DISC1: variants seen among roughly 807,000 people sequenced by gnomAD.
DISC1 encodes disrupted in schizophrenia 1 protein.
DISC1 carries 57 observed loss-of-function variants against 84.5 expected under a neutral mutation model. That is an observed-to-expected ratio of 0.67 (90% CI 0.55 to 0.84). DISC1 has a LOEUF of 0.84. DISC1 is among the 40% of genes least tolerant of loss of function. The pLI, the probability that DISC1 is intolerant of heterozygous loss-of-function variation, is 0.00. For synonymous variants in DISC1, 411 were observed against 415.2 expected, an observed-to-expected ratio of 0.99 and a Z score of 0.12; for missense variants, 1,000 against 1,057.8, an observed-to-expected ratio of 0.95 and a Z score of 0.76.
chr1:231,690,577 T>C (rs1391431999), intron 1 of DISC1, among the ~76,000 whole-genome samples: 1 of 152,214 alleles, frequency 6.6e-6, no homozygotes, highest in East Asian at 1.9e-4. Context: ...CTAATCCTTA[T>C]TGAACTGCAA....
rs74144189 is a variant in DISC1 at position 231,906,796 on chromosome 1, G to A, written c.1982-52032G>A. ...TGAAGGTAAAACAGGAGCTGCGTAC[G>A]TATTAGGGGAGAAAAAAGGAAGCAC... On this transcript the variant is annotated intron_variant, in intron 9 of 12. Transcript: ENST00000439617. Among the ~76,000 whole-genome samples, 504 of 151,764 alleles carry A rather than the reference G, an allele frequency of 3.3e-3. 2 individuals are homozygous for A. The highest frequency in any genetic ancestry group is 0.011 in the African/African-American group (459 of 41,386).
chr1:231,916,535 G>C (rs1299261643), intron 9 of DISC1, among the ~76,000 whole-genome samples: 1 of 149,488 alleles, frequency 6.7e-6, no homozygotes, highest in African/African-American at 2.5e-5. Context: ...GGCGCCTGTA[G>C]TCCCAGCTAC....
chr1:232,005,987 A>G (rs542988779), intron 10 of DISC1, among the ~76,000 whole-genome samples: 2 of 152,280 alleles, frequency 1.3e-5, no homozygotes, highest in South Asian at 4.2e-4. Flanking sequence ...TACATTCCTC[A>G]TAGTTTCAGT....
intron 3 of DISC1, among the ~76,000 whole-genome samples, chr1:231,741,513 ACTATAC>A (rs2073270687): frequency 1.3e-5 from 2 of 152,234 alleles, no homozygotes; most frequent in Non-Finnish European, 2.9e-5. Context: ...GGTGCAGGTC[ACTATAC>A]AATGACCAAC....
rs181834854 is a variant in DISC1, at chr1:231,907,175, C to A, written c.1982-51653C>A. On this transcript the variant is annotated intron_variant, in intron 9 of 12. Transcript: ENST00000439617. Reference sequence around the variant, plus strand: ...TTTCTTTCTTTCTTTCTTTCTCTTTCTTTTATTATACTTTAAGTTCTAGGG... The same window carrying A: ...TTTCTTTCTTTCTTTCTTTCTCTTTATTTTATTATACTTTAAGTTCTAGGG... Among the ~76,000 whole-genome samples the A allele has an allele frequency of 9.9e-3, 1,114 of 112,068 alleles. 28 individuals are homozygous for A. The highest frequency in any genetic ancestry group is 0.039 in the African/African-American group (1,054 of 26,922). The allele number at this position is 112,068 out of a possible 152,430, so 73.5% of individuals were successfully genotyped here. A position where few individuals can be genotyped will look rare whatever the true frequency, so the allele number is the denominator to read the frequency against.
intron 3 of DISC1, among the ~76,000 whole-genome samples, chr1:231,716,316 C>CAAAAAAAAA (rs397861600): frequency 2.4e-5 from 2 of 82,760 alleles, no homozygotes; most frequent in African/African-American, 4.6e-5. Context: ...TTTCAATCTG[C>CAAAAAAAAA]AAAAAAAAAA....
intron 12 of DISC1, among the ~76,000 whole-genome samples, chr1:232,035,049 C>T (rs1353282869): frequency 6.6e-6 from 1 of 152,186 alleles, no homozygotes; most frequent in African/African-American, 2.4e-5. Context: ...TCTGGGGAAG[C>T]TTCAAGAGGG....
At chr1:231,702,353 G>T (rs758865491) in intron 3 of DISC1, 38 of 1,043,504 alleles carry the variant, frequency 3.6e-5, no homozygotes, top group Non-Finnish European at 4.4e-5. Context: ...AAAAATATTC[G>T]TCTGACACCT....
At chr1:231,936,047 A>G (rs1041248490) in intron 9 of DISC1, among the ~76,000 whole-genome samples, 3 of 152,112 alleles carry the variant, frequency 2.0e-5, no homozygotes, top group Non-Finnish European at 4.4e-5. Context: ...GAAAGAGAGG[A>G]AAGTGTGTCC....
chr1:232,013,705 A>C (rs2103011205), intron 11 of DISC1, among the ~76,000 whole-genome samples: 1 of 152,334 alleles, frequency 6.6e-6, no homozygotes, highest in South Asian at 2.1e-4. Flanking sequence ...TGAGCGGACC[A>C]GCAAGCCCTG....
intron 1 of DISC1, chr1:231,685,019 TGCCTGGGAAAACAATCC>T (rs2064094336): frequency 6.6e-6 from 1 of 152,222 alleles, no homozygotes; most frequent in Admixed American, 6.5e-5. Context: ...TGAATAATCA[TGCCTGGGAAAACAATCC>T]GCCTGGCAAA....
intron 1 of DISC1, among the ~76,000 whole-genome samples, chr1:231,644,442 C>T (rs906460185): frequency 9.2e-5 from 14 of 152,296 alleles, no homozygotes; most frequent in African/African-American, 3.1e-4. Flanking sequence ...TAATAGGAGG[C>T]ACTGGTGGGA....
chr1:231,949,970 C>T (rs753483776), intron 9 of DISC1, among the ~76,000 whole-genome samples: 2 of 152,154 alleles, frequency 1.3e-5, no homozygotes, highest in African/African-American at 2.4e-5. Context: ...CCCCAGTCTC[C>T]TTATCCTCAA....
intron 9 of DISC1, among the ~76,000 whole-genome samples, chr1:231,863,450 T>C (rs1463903761): frequency 1.3e-5 from 2 of 152,114 alleles, no homozygotes; most frequent in East Asian, 3.9e-4. Flanking sequence ...AGGCTGGTCT[T>C]GAACTCCTGG....
intron 3 of DISC1, among the ~76,000 whole-genome samples, chr1:231,747,712 T>A (rs1462008908): frequency 2.0e-5 from 3 of 152,222 alleles, no homozygotes; most frequent in Non-Finnish European, 4.4e-5. Flanking sequence ...TCCAGTGTTG[T>A]TCTTTTCGCT....
At chr1:231,868,290 C>T (rs953981902) in intron 9 of DISC1, among the ~76,000 whole-genome samples, 3 of 151,940 alleles carry the variant, frequency 2.0e-5, no homozygotes, top group Admixed American at 1.3e-4. Flanking sequence ...CTCCCCTTTT[C>T]CACTCTGTCC....
chr1:231,712,836 G>A lies in DISC1; in HGVS notation c.1117+10812G>A, dbSNP rs2068055743. ...CAAACTGCAAAAACCTGGGGCAAAA[G>A]ATTACTGGTTGAGGTGTACAATAGA... On this transcript the variant is annotated intron_variant, in intron 3 of 12. Transcript: ENST00000439617. Among the ~76,000 whole-genome samples the A allele has an allele frequency of 2.0e-5, 3 of 152,232 alleles. No individual in the cohort carries two copies. The South Asian group carries it at 6.2e-4, about 32-fold the overall frequency.
intron 9 of DISC1, among the ~76,000 whole-genome samples, chr1:231,886,811 CTTTCTT>C (rs1427282901): frequency 7.2e-6 from 1 of 139,654 alleles, no homozygotes; most frequent in African/African-American, 2.7e-5. Context: ...TTCTTTCTTT[CTTTCTT>C]TCTTTCTTTC....
chr1:231,779,587 G>A (rs1231544392), intron 6 of DISC1, among the ~76,000 whole-genome samples: 1 of 115,406 alleles, frequency 8.7e-6, no homozygotes, highest in African/African-American at 3.4e-5. Context: ...TTAAGATGGA[G>A]TCTCGCTCTG....
Sources: gnomAD v4.1 joint callset for allele counts (sites outside exome capture counted in the v4.1 genomes callset) on GRCh38, gnomAD v4.1.1 for gene constraint, MANE v1.5 for transcripts, NCBI Gene and HGNC (gene_info 2026-07-23, HGNC 2026-07-21) for gene names.